Variants in ZPBP observed in about 807,000 individuals in gnomAD.
ZPBP encodes zona pellucida-binding protein 1.
Under a neutral mutation model 44.8 loss-of-function variants are expected in ZPBP, and 26 were observed. The observed-to-expected ratio is 0.58, with a 90% CI of 0.43 to 0.81. The LOEUF (loss-of-function observed/expected upper bound fraction) is 0.81. Among genes scored for constraint, ZPBP ranks in the 30% least tolerant of loss-of-function variants. The pLI is 0.00. For synonymous variants in ZPBP, 174 were observed against 153.2 expected, an observed-to-expected ratio of 1.14 and a Z score of -1.00; for missense variants, 409 against 434.0, an observed-to-expected ratio of 0.94 and a Z score of 0.51.
At chr7:50,031,843 C>T (rs1799621518) in intron 4 of ZPBP, among the ~76,000 whole-genome samples, 1 of 150,730 alleles carries the variant, frequency 6.6e-6, no homozygotes, top group Admixed American at 6.6e-5. Flanking sequence ...CACACACACA[C>T]ATATATATAT....
At chr7:49,997,411 T>A (rs1797896064) in intron 6 of ZPBP, among the ~76,000 whole-genome samples, 1 of 152,216 alleles carries the variant, frequency 6.6e-6, no homozygotes, top group Non-Finnish European at 1.5e-5. Context: ...TAACATTCAT[T>A]CACACACATT....
At chr7:49,928,679 A>T (rs1794339132) in intron 1 of ZPBP, among the ~76,000 whole-genome samples, 1 of 152,178 alleles carries the variant, frequency 6.6e-6, no homozygotes, top group South Asian at 2.1e-4. Flanking sequence ...TGTGCAACTT[A>T]CCACTCCCTC....
intron 1 of ZPBP, chr7:49,919,622 T>C (rs1265798030): frequency 6.6e-6 from 1 of 152,164 alleles, no homozygotes; most frequent in Non-Finnish European, 1.5e-5. Context: ...AATCTACCCA[T>C]GTTACATAAT....
At chr7:49,855,704 G>A (rs1269872383) in intron 2 of ZPBP, among the ~76,000 whole-genome samples, 1 of 152,130 alleles carries the variant, frequency 6.6e-6, no homozygotes, top group African/African-American at 2.4e-5. Context: ...TGTGAATCAG[G>A]CAAAAACGAG....
intron 5 of ZPBP, among the ~76,000 whole-genome samples, chr7:50,030,125 A>G (rs1255828019): frequency 6.6e-6 from 1 of 152,082 alleles, no homozygotes; most frequent in Non-Finnish European, 1.5e-5. Context: ...AAAGTGCTGA[A>G]CCTGAAGAGA....
the ZPBP span, among the ~76,000 whole-genome samples, chr7:49,842,411 AG>A: frequency 6.6e-6 from 1 of 152,180 alleles, no homozygotes; most frequent in Admixed American, 6.5e-5. Context: ...GGATGCCTTT[AG>A]GTATGATAGT....
At chr7:49,919,403 C>T (rs558533216) in intron 1 of ZPBP, 2 of 152,254 alleles carry the variant, frequency 1.3e-5, no homozygotes, top group African/African-American at 4.8e-5. Context: ...ATGATTTATA[C>T]TTTTAAGCAA....
intron 6 of ZPBP, among the ~76,000 whole-genome samples, chr7:49,992,566 G>T (rs1452618067): frequency 1.3e-5 from 2 of 151,588 alleles, no homozygotes; most frequent in African/African-American, 2.4e-5. Context: ...TAAACAGCTA[G>T]AAAAAAATAT....
intron 7 of ZPBP, among the ~76,000 whole-genome samples, chr7:49,979,697 C>T (rs1352720844): frequency 6.7e-6 from 1 of 149,648 alleles, no homozygotes; most frequent in East Asian, 2.0e-4. Flanking sequence ...AATATTTTAA[C>T]AATTTTAGTT....
chr7:49,894,496 T>A (rs1792284397), intron 2 of ZPBP, among the ~76,000 whole-genome samples: 1 of 152,232 alleles, frequency 6.6e-6, no homozygotes, highest in Non-Finnish European at 1.5e-5. Context: ...CAAAACATAG[T>A]GGCAATTTAT....
chr7:50,012,325 A>G (rs1187469412), intron 6 of ZPBP, among the ~76,000 whole-genome samples: 1 of 152,050 alleles, frequency 6.6e-6, no homozygotes, highest in African/African-American at 2.4e-5. Flanking sequence ...AAAGAATACT[A>G]CAGGACCCAG....
At chr7:50,038,935 C>G (rs189224287) in intron 4 of ZPBP, among the ~76,000 whole-genome samples, 5 of 152,192 alleles carry the variant, frequency 3.3e-5, no homozygotes, top group Middle Eastern at 3.4e-3. Context: ...AACTCTATGA[C>G]GTTCACAAAA....
intron 1 of ZPBP, among the ~76,000 whole-genome samples, chr7:49,926,893 G>A (rs1414032786): frequency 1.3e-5 from 2 of 152,278 alleles, no homozygotes; most frequent in East Asian, 1.9e-4. Context: ...CAGCCATAGC[G>A]GCCGCAGGAA....
chr7:49,967,228 T>G (rs1199535116), intron 7 of ZPBP, among the ~76,000 whole-genome samples: 1 of 152,220 alleles, frequency 6.6e-6, no homozygotes, highest in East Asian at 1.9e-4. Flanking sequence ...CCTTAAAATC[T>G]AATGATTTCT....
At chr7:49,877,475 AAAAAAAAT>A (rs1469398291) in intron 2 of ZPBP, among the ~76,000 whole-genome samples, 1 of 17,992 alleles carries the variant, frequency 5.6e-5, no homozygotes, top group East Asian at 2.2e-3. Flanking sequence ...AAAAAAAAAA[AAAAAAAAT>A]ATATATATAT....
intron 7 of ZPBP, among the ~76,000 whole-genome samples, chr7:49,980,288 T>C (rs1796777435): frequency 2.0e-5 from 1 of 48,884 alleles, no homozygotes; most frequent in Non-Finnish European, 4.3e-5. Context: ...ATATATAATA[T>C]AAATATATAA....
At chr7:49,981,469 A>C (rs1329422084) in intron 7 of ZPBP, among the ~76,000 whole-genome samples, 1 of 74,364 alleles carries the variant, frequency 1.3e-5, no homozygotes, top group African/African-American at 5.7e-5. Context: ...TAATATATAT[A>C]ATTATATATA....
intron 3 of ZPBP, among the ~76,000 whole-genome samples, chr7:50,066,294 T>C (rs1801500365): frequency 6.6e-6 from 1 of 150,652 alleles, no homozygotes; most frequent in East Asian, 1.9e-4. Context: ...ATATGTGTTT[T>C]AAACCAGAAT....
At position 49,959,496 on chromosome 7, in the gene ZPBP, A is replaced by T. The variant is rs566663367; in HGVS notation, c.962-21874T>A. ...AATTAAATCAAATAACCATTAAAATAACTCAATTTAAAAGAGAGAAAATAA... is the reference window on the plus strand; with the variant it reads ...AATTAAATCAAATAACCATTAAAATTACTCAATTTAAAAGAGAGAAAATAA... On this transcript the variant is annotated intron_variant, in intron 7 of 7. Coordinates refer to ENST00000046087, the MANE Select transcript of ZPBP (RefSeq NM_007009.3). 3.9e-5 allele frequency among the ~76,000 whole-genome samples: 6 copies of T among 152,246 alleles called. No homozygotes were observed. The South Asian group carries it at 1.2e-3, about 32-fold the overall frequency.
Sources: gnomAD v4.1 joint callset for allele counts (sites outside exome capture counted in the v4.1 genomes callset) on GRCh38, gnomAD v4.1.1 for gene constraint, MANE v1.5 for transcripts, NCBI Gene and HGNC (gene_info 2026-07-23, HGNC 2026-07-21) for gene names.